MAGI1: variants seen among roughly 807,000 people sequenced by gnomAD.
MAGI1 encodes the protein membrane associated guanylate kinase, WW and PDZ domain containing 1.
MAGI1 carries 58 observed loss-of-function variants against 139.9 expected under a neutral mutation model. The ratio of observed to expected loss-of-function variants is 0.41; its 90% CI spans 0.34 to 0.52. The LOEUF (loss-of-function observed/expected upper bound fraction) is 0.52, where lower values mean the gene tolerates loss of function less well. MAGI1 is among the 20% of genes least tolerant of loss of function. MAGI1 has a pLI of 0.12. For synonymous variants in MAGI1, 812 were observed against 737.9 expected, an observed-to-expected ratio of 1.10 and a Z score of -1.63; for missense variants, 1,874 against 1,901.6, an observed-to-expected ratio of 0.99 and a Z score of 0.27.
At chr3:65,704,876 T>C (rs1057266430) in intron 1 of MAGI1, among the ~76,000 whole-genome samples, 4 of 152,092 alleles carry the variant, frequency 2.6e-5, no homozygotes, top group East Asian at 3.9e-4. Context: ...ACTTCTCATA[T>C]TTACCTACCC....
chr3:65,564,980 C>T (rs772409209), intron 2 of MAGI1, among the ~76,000 whole-genome samples: 2 of 152,186 alleles, frequency 1.3e-5, no homozygotes, highest in African/African-American at 4.8e-5. Flanking sequence ...TAAAAACAAT[C>T]GACCTTCAGT....
chr3:65,469,207 T>C (rs554902923), intron 5 of MAGI1, among the ~76,000 whole-genome samples: 95 of 152,244 alleles, frequency 6.2e-4, no homozygotes, highest in Middle Eastern at 3.4e-3. Context: ...ATTTGCAAAA[T>C]TGAGATCCTT....
intron 1 of MAGI1, among the ~76,000 whole-genome samples, chr3:65,984,732 A>C (rs1003811384): frequency 4.6e-5 from 6 of 131,260 alleles, no homozygotes; most frequent in Non-Finnish European, 9.5e-5. Flanking sequence ...TTTTTTTTAG[A>C]GATAGGAGTC....
rs145517821 is a variant in MAGI1 at position 65,550,424 on chromosome 3, T to G, written c.431-56793A>C. Among the ~76,000 whole-genome samples, 1,417 of 152,322 alleles carry G rather than the reference T, an allele frequency of 9.3e-3. 13 individuals are homozygous for G. Among genetic ancestry groups the G allele is most frequent in the Non-Finnish European group, 0.015 (1,005 of 68,024 alleles). ...GCATCACACCCTTTTGAGTTCTGGA[T>G]GATATCTCACCTCTTCACTGGCAAG... On this transcript the variant is annotated intron_variant, in intron 2 of 22. Coordinates refer to ENST00000402939, the MANE Select transcript of MAGI1 (RefSeq NM_001033057.2).
chr3:65,399,858 A>G (rs1299354859), intron 13 of MAGI1, among the ~76,000 whole-genome samples: 1 of 152,186 alleles, frequency 6.6e-6, no homozygotes, highest in Non-Finnish European at 1.5e-5. Flanking sequence ...CTAAATTTAA[A>G]TGGAATGCAA....
intron 1 of MAGI1, among the ~76,000 whole-genome samples, chr3:65,904,038 C>T (rs2061341877): frequency 6.6e-6 from 1 of 151,868 alleles, no homozygotes; most frequent in Non-Finnish European, 1.5e-5. Context: ...GAAAATCATT[C>T]TAATTTCCTC....
intron 14 of MAGI1, among the ~76,000 whole-genome samples, chr3:65,388,511 G>T (rs1050358323): frequency 1.3e-5 from 2 of 151,986 alleles, no homozygotes; most frequent in African/African-American, 4.8e-5. Flanking sequence ...TAAGAGAATG[G>T]CAGAAACTGA....
chr3:65,540,830 G>T (rs1275516643), intron 2 of MAGI1, among the ~76,000 whole-genome samples: 1 of 152,136 alleles, frequency 6.6e-6, no homozygotes, highest in Non-Finnish European at 1.5e-5. Context: ...CAGCCATGTT[G>T]GTAAAATATA....
intron 2 of MAGI1, among the ~76,000 whole-genome samples, chr3:65,530,790 C>T (rs1382997563): frequency 4.7e-5 from 3 of 63,404 alleles, no homozygotes; most frequent in African/African-American, 1.8e-4. Context: ...TATATATACA[C>T]GTATATATAT....
intron 1 of MAGI1, among the ~76,000 whole-genome samples, chr3:65,659,382 A>G (rs1405257971): frequency 2.0e-5 from 3 of 152,230 alleles, no homozygotes; most frequent in African/African-American, 7.2e-5. Context: ...AAGCTGGCTA[A>G]TACCAACTGG....
At chr3:65,672,616 T>C (rs1296512750) in intron 1 of MAGI1, among the ~76,000 whole-genome samples, 1 of 152,090 alleles carries the variant, frequency 6.6e-6, no homozygotes, top group African/African-American at 2.4e-5. Context: ...TAGAAGGGTG[T>C]CTGTAAGGCA....
intron 2 of MAGI1, among the ~76,000 whole-genome samples, chr3:65,543,958 C>G (rs1156614095): frequency 6.6e-6 from 1 of 151,940 alleles, no homozygotes; most frequent in Non-Finnish European, 1.5e-5. Context: ...AAAAGCCAAT[C>G]ATTTTAGACA....
intron 12 of MAGI1, among the ~76,000 whole-genome samples, chr3:65,424,402 C>T (rs746746025): frequency 2.6e-5 from 4 of 152,146 alleles, no homozygotes; most frequent in Non-Finnish European, 4.4e-5. Context: ...GTGCCAGAGA[C>T]ACAAGAGTAA....
chr3:65,663,265 G>T (rs2086306334), intron 1 of MAGI1, among the ~76,000 whole-genome samples: 1 of 152,130 alleles, frequency 6.6e-6, no homozygotes, highest in Non-Finnish European at 1.5e-5. Context: ...TGCTACAGAA[G>T]GATATTTATG....
At position 65,967,698 on chromosome 3, in the gene MAGI1, TACAAAG is replaced by T. The variant is rs147114356; in HGVS notation, c.313+70292_313+70297del. On this transcript the variant is annotated intron_variant, in intron 1 of 22. Coordinates refer to ENST00000402939, the MANE Select transcript of MAGI1 (RefSeq NM_001033057.2). ...ACATGCAAACAAATATGGCTTCTCC[TACAAAG>T]ACAAAGAATGCAGTGGTCCAACCAG... is the stretch of plus-strand genomic sequence containing the variant. Among the ~76,000 whole-genome samples, 1,118 of 152,306 alleles carry T rather than the reference TACAAAG, an allele frequency of 7.3e-3. 34 individuals carry two copies. In the East Asian group the frequency reaches 0.1, roughly 14 times the overall value.
chr3:65,764,247 C>T (rs1030955573), intron 1 of MAGI1, among the ~76,000 whole-genome samples: 3 of 150,264 alleles, frequency 2.0e-5, no homozygotes, highest in Admixed American at 1.3e-4. Context: ...AGAATGTAGA[C>T]GTGAAAATGG....
At chr3:65,898,061 T>A (rs892632846) in intron 1 of MAGI1, among the ~76,000 whole-genome samples, 3 of 152,132 alleles carry the variant, frequency 2.0e-5, no homozygotes, top group African/African-American at 7.2e-5. Context: ...ATAAACAGCT[T>A]TTTCTCTCTG....
intron 1 of MAGI1, among the ~76,000 whole-genome samples, chr3:65,971,209 CATA>C (rs560131409): frequency 1.3e-5 from 2 of 152,288 alleles, no homozygotes; most frequent in East Asian, 3.9e-4. Context: ...CTCAAAAATA[CATA>C]AATAAAACCA....
At chr3:65,661,099 A>G (rs1052132470) in intron 1 of MAGI1, among the ~76,000 whole-genome samples, 16 of 152,146 alleles carry the variant, frequency 1.1e-4, no homozygotes, top group African/African-American at 3.6e-4. Context: ...ATAAAAAACA[A>G]ATTGAAAAGC....
Sources: gnomAD v4.1 joint callset for allele counts (sites outside exome capture counted in the v4.1 genomes callset) on GRCh38, gnomAD v4.1.1 for gene constraint, MANE v1.5 for transcripts, NCBI Gene and HGNC (gene_info 2026-07-23, HGNC 2026-07-21) for gene names.